The following CSGALNACT2 variants were observed in gnomAD, a reference collection of about 807,000 sequenced individuals.
The protein encoded by CSGALNACT2 is beta 4 GalNAcT-2.
In CSGALNACT2, 35 loss-of-function variants were observed where a neutral mutation model predicts 55.3. The observed-to-expected ratio is 0.63, with a 90% CI of 0.48 to 0.84. The LOEUF (loss-of-function observed/expected upper bound fraction) is 0.84. Among genes scored for constraint, CSGALNACT2 ranks in the 40% least tolerant of loss-of-function variants. The pLI, the probability that CSGALNACT2 is intolerant of heterozygous loss-of-function variation, is 0.00. For synonymous variants in CSGALNACT2, 196 were observed against 224.9 expected (o/e 0.87, Z 1.15); for missense variants, 544 against 657.5 (o/e 0.83, Z 1.89).
chr10:43,159,012 A>G (rs1006199873), intron 3 of CSGALNACT2, 81 bp downstream of exon 3: 51 of 764,870 alleles, frequency 6.7e-5, no homozygotes, highest in Non-Finnish European at 1.1e-4. Context: ...ATTTATCTTC[A>G]CCGATTATAA....
intron 3 of CSGALNACT2, among the ~76,000 whole-genome samples, 162 bp from the exon 4 acceptor site, chr10:43,160,332 C>T (rs1839116736): frequency 6.6e-6 from 1 of 152,236 alleles, no homozygotes; most frequent in Non-Finnish European, 1.5e-5. Flanking sequence ...CTCATTCAGG[C>T]ATAGACCTTG....
chr10:43,180,079 G>A lies in CSGALNACT2; in HGVS notation c.1337-3171G>A, dbSNP rs139925537. On this transcript the variant is annotated intron_variant, in intron 7 of 7. Coordinates refer to ENST00000374466, the MANE Select transcript of CSGALNACT2 (RefSeq NM_018590.5). Reference sequence around the variant, plus strand: ...GCCCTATGAGCAGGACACTGGGTAGGGGCAGGAGGACCCCCAGTATTCTCA... The same window carrying A: ...GCCCTATGAGCAGGACACTGGGTAGAGGCAGGAGGACCCCCAGTATTCTCA... 3.1e-3 allele frequency among the ~76,000 whole-genome samples: 475 copies of A among 152,290 alleles called. 2 individuals are homozygous for A. Among genetic ancestry groups the A allele is most frequent in the African/African-American group, 0.011 (462 of 41,554 alleles).
intron 5 of CSGALNACT2, among the ~76,000 whole-genome samples, chr10:43,166,037 T>C (rs1044831595): frequency 6.6e-6 from 1 of 152,242 alleles, no homozygotes; most frequent in Non-Finnish European, 1.5e-5. Context: ...GTAGAACTAT[T>C]CATATGCAAA....
rs772123115 is a variant in CSGALNACT2, at chr10:43,155,826, T to C, written c.661+16T>C. 8 of 1,592,902 alleles carry C rather than the reference T, an allele frequency of 5.0e-6. No individual in the cohort carries two copies. In the East Asian group the frequency reaches 1.6e-4, roughly 31 times the overall value. On this transcript the variant is annotated intron_variant, in intron 2 of 7. Coordinates refer to ENST00000374466, the MANE Select transcript of CSGALNACT2 (RefSeq NM_018590.5). ...TTCGTAGAAGGTAATGTGAAAAATA[T>C]GTTGGTCAATATTATGTTAGTAAGA...
At chr10:43,164,612 G>A (rs1360101467) in intron 5 of CSGALNACT2, among the ~76,000 whole-genome samples, 2 of 152,186 alleles carry the variant, frequency 1.3e-5, no homozygotes, top group Non-Finnish European at 2.9e-5. Context: ...ACTTCGGGAG[G>A]CTTAGGCGGG....
intron 2 of CSGALNACT2, among the ~76,000 whole-genome samples, chr10:43,156,300 A>G (rs1415676143): frequency 1.3e-5 from 2 of 152,250 alleles, no homozygotes; most frequent in Non-Finnish European, 2.9e-5. Flanking sequence ...CACATTTGGC[A>G]TTTGGAAAAG....
At chr10:43,165,204 G>A (rs1233055162) in intron 5 of CSGALNACT2, among the ~76,000 whole-genome samples, 6 of 151,914 alleles carry the variant, frequency 3.9e-5, no homozygotes, top group Non-Finnish European at 7.4e-5. Context: ...CAGCCTGGGC[G>A]ACAGGGCGAC....
At chr10:43,177,444 A>G (rs538647587) in intron 7 of CSGALNACT2, among the ~76,000 whole-genome samples, 166 of 152,258 alleles carry the variant, frequency 1.1e-3, no homozygotes, top group Middle Eastern at 3.4e-3. Flanking sequence ...CTTTCCCCCC[A>G]AACTTAGGCA....
At chr10:43,164,675 C>T (rs375102886) in intron 5 of CSGALNACT2, among the ~76,000 whole-genome samples, 7 of 151,650 alleles carry the variant, frequency 4.6e-5, no homozygotes, top group Non-Finnish European at 7.4e-5. Flanking sequence ...GGTGAAATCC[C>T]GTCTCTACTA....
intron 2 of CSGALNACT2, 84 bp from the exon 3 acceptor site, chr10:43,158,631 T>G: frequency 1.3e-6 from 1 of 786,882 alleles, no homozygotes; most frequent in East Asian, 2.5e-5. Context: ...ATACCCTTTA[T>G]GTTTAAGTGA....
intron 6 of CSGALNACT2, among the ~76,000 whole-genome samples, chr10:43,174,834 CCT>C (rs772018772): frequency 1.3e-5 from 2 of 152,182 alleles, no homozygotes; most frequent in East Asian, 3.8e-4. Flanking sequence ...GACTTTGTCA[CCT>C]CTGTTTATTG....
At chr10:43,164,498 CTG>C (rs1402424217) in intron 5 of CSGALNACT2, among the ~76,000 whole-genome samples, 2 of 152,218 alleles carry the variant, frequency 1.3e-5, no homozygotes, top group African/African-American at 4.8e-5. Flanking sequence ...GGTCTCCAGA[CTG>C]TGCATTTTGG....
chr10:43,162,168 C>T (rs375601435), intron 4 of CSGALNACT2: 1 of 519,088 alleles, frequency 1.9e-6, no homozygotes, highest in Non-Finnish European at 3.8e-6. Context: ...GTCTGTTTTT[C>T]TCTGCATGTT....
At chr10:43,161,605 C>G (rs1339038543) in intron 4 of CSGALNACT2, among the ~76,000 whole-genome samples, 1 of 152,182 alleles carries the variant, frequency 6.6e-6, no homozygotes, top group Non-Finnish European at 1.5e-5. Context: ...GAGTCCCTGA[C>G]CTGCAGGGAT....
intron 1 of CSGALNACT2, among the ~76,000 whole-genome samples, chr10:43,140,376 A>G (rs1029269152): frequency 2.9e-4 from 44 of 152,176 alleles, no homozygotes; most frequent in Non-Finnish European, 1.8e-4. Flanking sequence ...TCTTTTTTTT[A>G]ATGTAATAGA....
At chr10:43,150,893 A>AT (rs1838861044) in intron 1 of CSGALNACT2, among the ~76,000 whole-genome samples, 1 of 151,906 alleles carries the variant, frequency 6.6e-6, no homozygotes, top group South Asian at 2.1e-4. Flanking sequence ...TATATTTTTG[A>AT]TTCTTTTTTC....
chr10:43,158,940 C>T lies in CSGALNACT2; in HGVS notation c.878+9C>T, dbSNP rs1046182900. On this transcript the variant is annotated intron_variant, in intron 3 of 7. Coordinates refer to ENST00000374466, the MANE Select transcript of CSGALNACT2 (RefSeq NM_018590.5). ...TTTATGCAGAACTTCAGGTAACTGT[C>T]AGGGCTTAATGATTAAGCTACATTC... The T allele has an allele frequency of 1.3e-6, 2 of 1,533,982 alleles. No homozygotes were observed. The highest frequency in any genetic ancestry group is 2.7e-5 in the African/African-American group (2 of 73,314).
chr10:43,177,136 GTTAAA>G (rs1288649369), intron 7 of CSGALNACT2, among the ~76,000 whole-genome samples: 4 of 152,132 alleles, frequency 2.6e-5, no homozygotes, highest in Admixed American at 6.5e-5. Context: ...TAAAAGGGGC[GTTAAA>G]TTAAACTGAT....
chr10:43,164,941 A>T (rs1371273813), intron 5 of CSGALNACT2, among the ~76,000 whole-genome samples: 1 of 151,852 alleles, frequency 6.6e-6, no homozygotes, highest in Non-Finnish European at 1.5e-5. Context: ...AGTATTAAAG[A>T]GGCTGGGGGT....
Sources: gnomAD v4.1 joint callset for allele counts (sites outside exome capture counted in the v4.1 genomes callset) on GRCh38, gnomAD v4.1.1 for gene constraint, MANE v1.5 for transcripts, NCBI Gene and HGNC (gene_info 2026-07-23, HGNC 2026-07-21) for gene names.